Variants in LRRC4C observed in about 807,000 individuals in gnomAD.
The protein encoded by LRRC4C is leucine-rich repeat-containing protein 4C.
Under a neutral mutation model 33.6 loss-of-function variants are expected in LRRC4C, and 5 were observed. The ratio of observed to expected loss-of-function variants is 0.15; its 90% confidence interval spans 0.08 to 0.31. The LOEUF is 0.31. Ranked by LOEUF, LRRC4C falls within the 10% of genes least tolerant of loss-of-function variation. The probability of loss-of-function intolerance (pLI) is 1.00; values close to 1 mark genes in which losing one functional copy is unlikely to be tolerated. For missense variants in LRRC4C, 560 were observed against 796.7 expected (o/e 0.70, Z 3.58); for synonymous variants, 329 against 302.0 (o/e 1.09, Z -0.93).
intron 2 of LRRC4C, among the ~76,000 whole-genome samples, chr11:40,905,702 G>C (rs753427949): frequency 2.6e-5 from 4 of 152,186 alleles, no homozygotes; most frequent in Non-Finnish European, 4.4e-5. Context: ...TTCCCAGGTG[G>C]GGGCAGTGGC....
chr11:41,454,752 T>A (rs1047585590), intron 1 of LRRC4C, among the ~76,000 whole-genome samples: 1 of 152,186 alleles, frequency 6.6e-6, no homozygotes, highest in African/African-American at 2.4e-5. Flanking sequence ...AATACAGCTT[T>A]CAGAATATAG....
intron 1 of LRRC4C, among the ~76,000 whole-genome samples, chr11:41,086,067 C>A (rs80133473): frequency 1.7e-3 from 261 of 152,090 alleles, no homozygotes; most frequent in African/African-American, 5.9e-3. Flanking sequence ...TAAGTGTACC[C>A]AATCTGAATC....
intron 2 of LRRC4C, among the ~76,000 whole-genome samples, chr11:40,767,899 GC>G (rs1414124916): frequency 6.6e-6 from 1 of 151,740 alleles, no homozygotes; most frequent in East Asian, 1.9e-4. Flanking sequence ...ACTTAATAAT[GC>G]TTTTTAAATA....
chr11:40,643,646 T>G (rs1264122201), intron 3 of LRRC4C, among the ~76,000 whole-genome samples: 1 of 152,116 alleles, frequency 6.6e-6, no homozygotes, highest in Non-Finnish European at 1.5e-5. Flanking sequence ...CAGCACGGTG[T>G]CAGTGGTGAA....
At chr11:41,161,192 A>T (rs967391989) in intron 1 of LRRC4C, among the ~76,000 whole-genome samples, 1 of 152,216 alleles carries the variant, frequency 6.6e-6, no homozygotes, top group African/African-American at 2.4e-5. Flanking sequence ...TTAAAAAGAC[A>T]TTCCATAGTC....
intron 1 of LRRC4C, among the ~76,000 whole-genome samples, chr11:41,329,565 A>G (rs1372140456): frequency 6.6e-6 from 1 of 152,124 alleles, no homozygotes; most frequent in Admixed American, 6.5e-5. Flanking sequence ...TGTTTTTCAA[A>G]TATGTCTCCC....
At chr11:41,075,046 G>GTTTT (rs59948632) in intron 1 of LRRC4C, among the ~76,000 whole-genome samples, 4 of 52,702 alleles carry the variant, frequency 7.6e-5, no homozygotes, top group African/African-American at 1.3e-4. Flanking sequence ...TATTTTTAAT[G>GTTTT]TTTTTTTTTT....
intron 1 of LRRC4C, among the ~76,000 whole-genome samples, chr11:41,369,980 T>C (rs1952684129): frequency 6.6e-6 from 1 of 152,222 alleles, no homozygotes; most frequent in Non-Finnish European, 1.5e-5. Flanking sequence ...AAACAAAATT[T>C]TGAATTATTC....
chr11:40,452,002 C>A (rs1469560567), intron 3 of LRRC4C, among the ~76,000 whole-genome samples: 3 of 152,096 alleles, frequency 2.0e-5, no homozygotes, highest in Non-Finnish European at 4.4e-5. Flanking sequence ...GAGGAATCGC[C>A]TCACCCAGGA....
chr11:40,461,729 T>C (rs1329809557), intron 3 of LRRC4C, among the ~76,000 whole-genome samples: 1 of 149,590 alleles, frequency 6.7e-6, no homozygotes, highest in Non-Finnish European at 1.5e-5. Flanking sequence ...AATCATTATA[T>C]TATAATAATC....
chr11:40,881,568 G>A (rs529622186), intron 2 of LRRC4C, among the ~76,000 whole-genome samples: 21 of 151,852 alleles, frequency 1.4e-4, no homozygotes, highest in African/African-American at 5.1e-4. Flanking sequence ...AGTCTCAACA[G>A]TTTATTCTCA....
At chr11:41,411,200 G>A (rs1196658189) in intron 1 of LRRC4C, among the ~76,000 whole-genome samples, 1 of 119,406 alleles carries the variant, frequency 8.4e-6, no homozygotes, top group African/African-American at 3.5e-5. Context: ...CCAGGCTGGA[G>A]TGCAGTGGCG....
At chr11:40,297,649 TC>T (rs1271966866) in intron 4 of LRRC4C, among the ~76,000 whole-genome samples, 2 of 152,048 alleles carry the variant, frequency 1.3e-5, no homozygotes, top group Non-Finnish European at 2.9e-5. Context: ...TCAGCCCTCA[TC>T]CCATATAGTC....
chr11:40,987,637 A>ATATC, intron 1 of LRRC4C, among the ~76,000 whole-genome samples: 1 of 76,492 alleles, frequency 1.3e-5, no homozygotes, highest in Admixed American at 1.5e-4. Flanking sequence ...AATGATATAT[A>ATATC]TATATATATA....
At chr11:40,780,794 T>G (rs980430380) in intron 2 of LRRC4C, among the ~76,000 whole-genome samples, 2 of 151,706 alleles carry the variant, frequency 1.3e-5, no homozygotes, top group Non-Finnish European at 2.9e-5. Context: ...GAGGCTTTTT[T>G]TTTTTTAATA....
At chr11:40,544,686 T>C (rs1230112701) in intron 3 of LRRC4C, among the ~76,000 whole-genome samples, 1 of 152,138 alleles carries the variant, frequency 6.6e-6, no homozygotes, top group Non-Finnish European at 1.5e-5. Context: ...AAATCCATTA[T>C]TTAGTTACTT....
intron 1 of LRRC4C, among the ~76,000 whole-genome samples, chr11:41,456,565 C>T (rs1156290263): frequency 2.0e-5 from 3 of 152,082 alleles, no homozygotes; most frequent in Non-Finnish European, 2.9e-5. Context: ...GGAGAAGAAA[C>T]GGAATGTCCT....
intron 2 of LRRC4C, among the ~76,000 whole-genome samples, chr11:40,900,357 A>T (rs987184490): frequency 3.3e-5 from 5 of 152,082 alleles, no homozygotes; most frequent in Admixed American, 3.3e-4. Flanking sequence ...GCACTTTACC[A>T]ACTCAGCCAA....
rs1449626407 is a variant in LRRC4C, at chr11:40,310,929, A to C, written c.-176+8699T>G. Among the ~76,000 whole-genome samples, 3 of 152,332 alleles carry C rather than the reference A, an allele frequency of 2.0e-5. No homozygotes were observed. In the East Asian group the frequency reaches 5.8e-4, roughly 29 times the overall value. Reference sequence around the variant, plus strand: ...TGAAAATATTTTGAAAACCATATGCATTAATTCGGGATGTGATACACTGTA... The same window carrying C: ...TGAAAATATTTTGAAAACCATATGCCTTAATTCGGGATGTGATACACTGTA... On this transcript the variant is annotated intron_variant, in intron 4 of 6. Coordinates refer to ENST00000528697, the MANE Select transcript of LRRC4C (RefSeq NM_001258419.2).
Sources: allele counts gnomAD v4.1 joint callset (sites outside exome capture counted in the v4.1 genomes callset), GRCh38; gene constraint gnomAD v4.1.1; transcripts MANE v1.5; gene names NCBI Gene and HGNC (gene_info 2026-07-23, HGNC 2026-07-21).